Variants in SEMA3A observed in about 807,000 individuals in gnomAD.
SEMA3A encodes semaphorin-3A.
Under a neutral mutation model 97.9 loss-of-function variants are expected in SEMA3A, and 29 were observed. The ratio of observed to expected loss-of-function variants is 0.30; its 90% CI spans 0.22 to 0.40. The LOEUF (loss-of-function observed/expected upper bound fraction) is 0.40. Among genes scored for constraint, SEMA3A ranks in the 10% least tolerant of loss-of-function variants. SEMA3A has a pLI of 1.00. For missense variants in SEMA3A, 763 were observed against 951.3 expected (o/e 0.80, Z 2.60); for synonymous variants, 321 against 323.7 (o/e 0.99, Z 0.09).
chr7:84,018,909 A>G (rs1270757875), intron 6 of SEMA3A, among the ~76,000 whole-genome samples: 2 of 152,158 alleles, frequency 1.3e-5, no homozygotes, highest in Non-Finnish European at 2.9e-5. Context: ...GCAGAGAAAA[A>G]CAAAACAAAC....
At chr7:84,467,413 T>G (rs950496133) in intron 1 of SEMA3A, among the ~76,000 whole-genome samples, 3 of 151,230 alleles carry the variant, frequency 2.0e-5, no homozygotes, top group Non-Finnish European at 4.4e-5. Context: ...TCTCAGCTAC[T>G]TGGGAGGCTG....
chr7:84,260,912 C>T (rs1188984895), intron 3 of SEMA3A, among the ~76,000 whole-genome samples: 1 of 152,182 alleles, frequency 6.6e-6, no homozygotes, highest in Non-Finnish European at 1.5e-5. Context: ...CCCAGACTGT[C>T]CATTCCAGGT....
At chr7:84,114,339 A>T (rs2115956587) in intron 3 of SEMA3A, among the ~76,000 whole-genome samples, 1 of 152,288 alleles carries the variant, frequency 6.6e-6, no homozygotes, top group South Asian at 2.1e-4. Context: ...TCTCTATTCA[A>T]ATATATTCAG....
intron 3 of SEMA3A, among the ~76,000 whole-genome samples, chr7:84,257,212 G>C (rs73183189): frequency 0.021 from 3,216 of 151,940 alleles, 54 homozygotes; most frequent in Non-Finnish European, 0.033. Flanking sequence ...GAAAAGAAAA[G>C]CCAAAGGAAG....
chr7:84,060,226 A>G (rs1793157999), intron 5 of SEMA3A, among the ~76,000 whole-genome samples: 2 of 152,208 alleles, frequency 1.3e-5, no homozygotes, highest in Admixed American at 1.3e-4. Context: ...ATAGTAATTG[A>G]GAGGCCATTT....
chr7:84,212,588 A>G (rs917320958), intron 3 of SEMA3A, among the ~76,000 whole-genome samples: 2 of 152,210 alleles, frequency 1.3e-5, no homozygotes, highest in Non-Finnish European at 2.9e-5. Context: ...ATAATGACAC[A>G]CATGATAAAT....
chr7:84,428,783 AAAC>A (rs1804892786), intron 1 of SEMA3A, among the ~76,000 whole-genome samples: 1 of 152,094 alleles, frequency 6.6e-6, no homozygotes, highest in African/African-American at 2.4e-5. Context: ...CTGTCCCTAT[AAAC>A]AATTTAATAA....
chr7:84,278,915 A>G (rs1450077571), intron 3 of SEMA3A, among the ~76,000 whole-genome samples: 1 of 152,106 alleles, frequency 6.6e-6, no homozygotes, highest in East Asian at 1.9e-4. Flanking sequence ...CAAAATGACT[A>G]AGGATCTAGC....
chr7:84,481,829 G>A (rs2116434736), intron 1 of SEMA3A, among the ~76,000 whole-genome samples: 1 of 151,908 alleles, frequency 6.6e-6, no homozygotes, highest in South Asian at 2.1e-4. Flanking sequence ...AAAGAAGACA[G>A]CAAAGTTAAC....
chr7:84,233,928 A>G (rs1799173599), intron 3 of SEMA3A, among the ~76,000 whole-genome samples: 1 of 151,906 alleles, frequency 6.6e-6, no homozygotes, highest in Non-Finnish European at 1.5e-5. Context: ...TTAATAATAA[A>G]TGTACAATAT....
At chr7:84,226,714 T>G (rs1181993450) in intron 3 of SEMA3A, among the ~76,000 whole-genome samples, 1 of 152,100 alleles carries the variant, frequency 6.6e-6, no homozygotes, top group Non-Finnish European at 1.5e-5. Context: ...CATAGCTATG[T>G]TCTATAATAA....
chr7:84,166,377 T>A (rs960671669), intron 1 of SEMA3A, among the ~76,000 whole-genome samples: 7 of 145,824 alleles, frequency 4.8e-5, no homozygotes, highest in African/African-American at 1.8e-4. Context: ...ATCGAGACCA[T>A]CCTGGCCAAC....
chr7:84,167,621 A>G (rs1017453864), intron 1 of SEMA3A, among the ~76,000 whole-genome samples: 18 of 152,196 alleles, frequency 1.2e-4, no homozygotes, highest in Admixed American at 1.3e-4. Context: ...GAGGTGGGGT[A>G]GAGTGCAGAA....
chr7:84,363,610 T>C (rs539643), intron 2 of SEMA3A, among the ~76,000 whole-genome samples: 43,585 of 151,780 alleles, frequency 0.29, 6,738 homozygotes, highest in African/African-American at 0.38. Flanking sequence ...TTATGTGGAA[T>C]TGGCCTATTG....
intron 1 of SEMA3A, among the ~76,000 whole-genome samples, chr7:84,406,680 G>T (rs1804100015): frequency 1.3e-5 from 2 of 151,428 alleles, no homozygotes; most frequent in African/African-American, 4.8e-5. Flanking sequence ...GAATCCAGCA[G>T]CACATCAAAA....
intron 1 of SEMA3A, among the ~76,000 whole-genome samples, chr7:84,392,003 A>G (rs1011763467): frequency 1.3e-5 from 2 of 150,962 alleles, no homozygotes; most frequent in African/African-American, 4.9e-5. Context: ...TTATATATTT[A>G]TCGAGTATAA....
intron 1 of SEMA3A, among the ~76,000 whole-genome samples, chr7:84,143,686 T>C (rs1796366682): frequency 6.6e-6 from 1 of 150,420 alleles, no homozygotes; most frequent in Non-Finnish European, 1.5e-5. Context: ...CAAGATCCCA[T>C]CTCTACTTAA....
intron 1 of SEMA3A, among the ~76,000 whole-genome samples, chr7:84,420,491 T>C (rs186866902): frequency 1.3e-5 from 2 of 152,116 alleles, no homozygotes; most frequent in African/African-American, 4.8e-5. Context: ...ATAGGTCAAT[T>C]AAAATTATCC....
At chr7:84,215,510 T>A (rs1164361137) in intron 3 of SEMA3A, among the ~76,000 whole-genome samples, 4 of 152,206 alleles carry the variant, frequency 2.6e-5, no homozygotes, top group Admixed American at 6.5e-5. Context: ...TCATTTTGAA[T>A]AAGACTGTGC....
Sources: allele counts gnomAD v4.1 joint callset (sites outside exome capture counted in the v4.1 genomes callset), GRCh38; gene constraint gnomAD v4.1.1; transcripts MANE v1.5; gene names NCBI Gene and HGNC (gene_info 2026-07-23, HGNC 2026-07-21).